Variants in DGKB observed in about 807,000 individuals in gnomAD.
DGKB encodes the protein 90 kDa diacylglycerol kinase.
Under a neutral mutation model 114.3 loss-of-function variants are expected in DGKB, and 67 were observed. That is an observed-to-expected ratio of 0.59 (90% CI 0.48 to 0.72). The LOEUF (loss-of-function observed/expected upper bound fraction) is 0.72. Ranked by LOEUF, DGKB falls within the 30% of genes least tolerant of loss-of-function variation. The pLI is 0.00. For missense variants in DGKB, 907 were observed against 975.2 expected, an observed-to-expected ratio of 0.93 and a Z score of 0.93; for synonymous variants, 398 against 323.1, an observed-to-expected ratio of 1.23 and a Z score of -2.49.
intron 23 of DGKB, among the ~76,000 whole-genome samples, chr7:14,324,489 C>A (rs994048575): frequency 1.0e-4 from 15 of 150,008 alleles, no homozygotes; most frequent in Non-Finnish European, 2.2e-4. Flanking sequence ...TAAGACCCGA[C>A]ACCAGCAGCA....
At chr7:14,332,855 T>G (rs62444568) in intron 23 of DGKB, among the ~76,000 whole-genome samples, 12,181 of 152,160 alleles carry the variant, frequency 0.08, 701 homozygotes, top group East Asian at 0.29. Context: ...ATATGTTAAT[T>G]AGTTTTTAAA....
intron 1 of DGKB, among the ~76,000 whole-genome samples, chr7:14,856,020 C>CACCCCA (rs3036255): frequency 2.0e-5 from 3 of 148,822 alleles, no homozygotes; most frequent in African/African-American, 2.5e-5. Flanking sequence ...CACACACACA[C>CACCCCA]ATAATTAACA....
At chr7:14,622,587 A>G (rs1440581155) in intron 14 of DGKB, among the ~76,000 whole-genome samples, 1 of 152,154 alleles carries the variant, frequency 6.6e-6, no homozygotes, top group African/African-American at 2.4e-5. Context: ...CTGTCCCTAG[A>G]AAATAAATCT....
rs1178484988 is a variant in DGKB at position 14,597,067 on chromosome 7, T to C, written c.1433+10367A>G. ...ACATCTTACTATAGCATAATACTGG[T>C]CAGAGACCATAATTTAAAATATGAC... On this transcript the variant is annotated intron_variant, in intron 17 of 25. Transcript: ENST00000402815. 3.9e-5 allele frequency among the ~76,000 whole-genome samples: 6 copies of C among 152,176 alleles called. No homozygotes were observed. The East Asian group carries it at 1.2e-3, about 29-fold the overall frequency.
At chr7:14,863,155 A>T (rs932940628) in intron 1 of DGKB, among the ~76,000 whole-genome samples, 3 of 151,298 alleles carry the variant, frequency 2.0e-5, no homozygotes, top group Non-Finnish European at 4.4e-5. Context: ...TATCCCCTTA[A>T]ATTTTAGAGA....
rs73679693 is a variant in DGKB at position 14,228,309 on chromosome 7, G to T, written c.2123-50158C>A. On this transcript the variant is annotated intron_variant, in intron 23 of 25. Coordinates refer to ENST00000402815, the MANE Select transcript of DGKB (RefSeq NM_001350709.2). ...AGTGAAGGACAAAGACAAAGTTGTT[G>T]CTGGACATGCTCTGGCACATAGGCC... Among the ~76,000 whole-genome samples the T allele has an allele frequency of 8.5e-3, 1,293 of 152,130 alleles. 17 individuals are homozygous for T. The highest frequency in any genetic ancestry group is 0.03 in the African/African-American group (1,238 of 41,534).
At chr7:14,353,796 T>G (rs970030033) in intron 21 of DGKB, among the ~76,000 whole-genome samples, 1 of 152,190 alleles carries the variant, frequency 6.6e-6, no homozygotes, top group African/African-American at 2.4e-5. Flanking sequence ...GGAGGTAAAG[T>G]AGAGAATTTC....
chr7:14,477,923 T>G (rs1427539332), intron 21 of DGKB, among the ~76,000 whole-genome samples: 1 of 152,106 alleles, frequency 6.6e-6, no homozygotes, highest in Non-Finnish European at 1.5e-5. Flanking sequence ...TCTTTCTTTA[T>G]AATACATGAG....
intron 23 of DGKB, among the ~76,000 whole-genome samples, chr7:14,265,050 T>G (rs1667191902): frequency 6.6e-6 from 1 of 152,006 alleles, no homozygotes; most frequent in Non-Finnish European, 1.5e-5. Context: ...CAGTAAAAGC[T>G]GGAGGGACTT....
Position 14,498,852 on chromosome 7 carries a change from G to T in DGKB, c.1771-20627C>A, listed in dbSNP as rs10264050. On this transcript the variant is annotated intron_variant, in intron 20 of 25. Transcript: ENST00000402815. ...AAGTTTACCAATTGCTCACATAAGG[G>T]AAATAGATTATATTTGGTAAGGAAG... Among the ~76,000 whole-genome samples the T allele has an allele frequency of 9.7e-3, 1,470 of 151,838 alleles. 20 individuals carry two copies. Among genetic ancestry groups the T allele is most frequent in the African/African-American group, 0.033 (1,377 of 41,524 alleles).
chr7:14,419,660 T>A (rs761396838), intron 21 of DGKB, among the ~76,000 whole-genome samples: 7 of 150,912 alleles, frequency 4.6e-5, no homozygotes, highest in Non-Finnish European at 8.9e-5. Flanking sequence ...GAACTGATAG[T>A]GTTCCAGGAA....
chr7:14,656,392 TG>T (rs1815790989), intron 13 of DGKB, among the ~76,000 whole-genome samples: 1 of 150,276 alleles, frequency 6.7e-6, no homozygotes, highest in African/African-American at 2.5e-5. Context: ...ATTTAAATTT[TG>T]GTTTTTTTTT....
At chr7:14,386,224 C>T (rs575285954) in intron 21 of DGKB, among the ~76,000 whole-genome samples, 3 of 152,260 alleles carry the variant, frequency 2.0e-5, no homozygotes, top group South Asian at 2.1e-4. Context: ...TTTAAGCTAG[C>T]GTTTTCAAAT....
At chr7:14,875,382 C>G (rs1392235446) in intron 1 of DGKB, among the ~76,000 whole-genome samples, 2 of 152,084 alleles carry the variant, frequency 1.3e-5, no homozygotes, top group Admixed American at 6.6e-5. Flanking sequence ...GTACTTTAAT[C>G]ATTCACTTTT....
At chr7:14,773,924 A>C (rs1289304548) in intron 2 of DGKB, among the ~76,000 whole-genome samples, 2 of 105,518 alleles carry the variant, frequency 1.9e-5, no homozygotes, top group Non-Finnish European at 3.4e-5. Context: ...GCAAAGGGGG[A>C]AAAAGGCTCC....
At chr7:14,639,937 AGAAG>A (rs1428969792) in intron 13 of DGKB, among the ~76,000 whole-genome samples, 7 of 152,332 alleles carry the variant, frequency 4.6e-5, no homozygotes, top group South Asian at 2.1e-4. Context: ...AAGTGGGTTG[AGAAG>A]GAAGAGAGGA....
chr7:14,590,045 G>C (rs1470599081), intron 17 of DGKB, among the ~76,000 whole-genome samples: 1 of 151,098 alleles, frequency 6.6e-6, no homozygotes, highest in African/African-American at 2.4e-5. Flanking sequence ...AGCACTGGGA[G>C]ATATACCTAA....
intron 20 of DGKB, among the ~76,000 whole-genome samples, chr7:14,525,850 A>C (rs1790556647): frequency 6.9e-6 from 1 of 144,024 alleles, no homozygotes. Context: ...ATTACATTGG[A>C]CCCACAAAGT....
At chr7:14,962,981 T>C (rs1348773399) in intron 1 of DGKB, among the ~76,000 whole-genome samples, 2 of 152,078 alleles carry the variant, frequency 1.3e-5, no homozygotes, top group African/African-American at 2.4e-5. Flanking sequence ...GTTGAGCACT[T>C]TCATTTTCTC....
Sources: gnomAD v4.1 joint callset for allele counts (sites outside exome capture counted in the v4.1 genomes callset) on GRCh38, gnomAD v4.1.1 for gene constraint, MANE v1.5 for transcripts, NCBI Gene and HGNC (gene_info 2026-07-23, HGNC 2026-07-21) for gene names.